Variants in ENPP3 observed in about 807,000 individuals in gnomAD.
The protein encoded by ENPP3 is ectonucleotide pyrophosphatase/phosphodiesterase 3, also known as ectonucleotide pyrophosphatase/phosphodiesterase family member 3.
Under a neutral mutation model 117.8 loss-of-function variants are expected in ENPP3, and 104 were observed. That is an observed-to-expected ratio of 0.88 (90% CI 0.75 to 1.04). ENPP3 has a LOEUF of 1.04. ENPP3 is among the 50% of genes least tolerant of loss of function. ENPP3 has a pLI of 0.00. For synonymous variants in ENPP3, 380 were observed against 349.9 expected (o/e 1.09, Z -0.96); for missense variants, 1,026 against 1,051.9 (o/e 0.98, Z 0.34).
At position 131,666,533 on chromosome 6, in the gene ENPP3, A is replaced by G. The variant is rs11963830; in HGVS notation, c.563-4715A>G. Among the ~76,000 whole-genome samples the G allele has an allele frequency of 2.2e-3, 328 of 152,184 alleles. 1 individual carries two copies. Among genetic ancestry groups the G allele is most frequent in the Non-Finnish European group, 4.0e-3 (270 of 67,994 alleles). ...TGTCCCACAGTTCTCTTAATCTTTC[A>G]TCACTTCTTTCCATTCTTTTTTCTT... On this transcript the variant is annotated intron_variant, in intron 6 of 24. Transcript: ENST00000357639.
In ENPP3 at chr6:131,693,591, A is replaced by T. The variant is rs1359845814; in HGVS notation, c.1379A>T (p.His460Leu). The change falls in exon 15 of 25, where the codon CAT becomes CTT. Residue 460 changes from histidine to leucine, a missense_variant. Physicochemically the swap from His to Leu is moderately conservative, Grantham distance 99 (BLOSUM62 -3). Coordinates refer to ENST00000357639, the MANE Select transcript of ENPP3 (RefSeq NM_005021.5). Reference sequence around the variant, plus strand: ...AAGAACGTCAGAATCGACAAAGTTCATCTCTTTGTGGATCAACAGTGGCTG... The same window carrying T: ...AAGAACGTCAGAATCGACAAAGTTCTTCTCTTTGTGGATCAACAGTGGCTG... ...YAKNVRIDKV[H>L]LFVDQQWLAV... is the part of the protein sequence containing the mutation. 1 of 1,613,786 alleles carries T rather than the reference A, an allele frequency of 6.2e-7. No homozygotes were observed. The highest frequency in any genetic ancestry group is 2.2e-5 in the East Asian group (1 of 44,876).
rs1450214376 is a variant in ENPP3, at chr6:131,693,605, C to T, written c.1393C>T (p.Gln465Ter). 4 of 1,613,386 alleles carry T rather than the reference C, an allele frequency of 2.5e-6. No homozygotes were observed. The highest frequency in any genetic ancestry group is 3.4e-6 in the Non-Finnish European group (4 of 1,179,742). ...RIDKVHLFVD[Q>*]QWLAVRSKSN... ...CGACAAAGTTCATCTCTTTGTGGAT[C>T]AACAGTGGCTGGCTGTTAGGTTCGT... The change falls in exon 15 of 25, where the codon CAA becomes TAA. Residue 465 changes from glutamine to a stop codon, truncating the protein, a stop_gained. Coordinates refer to ENST00000357639, the MANE Select transcript of ENPP3 (RefSeq NM_005021.5). LOFTEE classifies it high-confidence loss of function.
At chr6:131,674,014 T>C (rs1011578347) in intron 7 of ENPP3, 148 bp from the exon 8 acceptor site, 17 of 553,764 alleles carry the variant, frequency 3.1e-5, no homozygotes, top group African/African-American at 2.1e-4. Context: ...CAATATCTCC[T>C]GATATGTAAG....
Position 131,691,631 on chromosome 6 carries a change from A to G in ENPP3, c.1285-1866A>G, listed in dbSNP as rs115085320. ...GAGAAAAAAAAAAGTCAAAAATTGTATCTCAACTCTGTAGACTTCATTCCA... is the reference window on the plus strand; with the variant it reads ...GAGAAAAAAAAAAGTCAAAAATTGTGTCTCAACTCTGTAGACTTCATTCCA... On this transcript the variant is annotated intron_variant, in intron 14 of 24. Transcript: ENST00000357639. Among the ~76,000 whole-genome samples, 526 of 152,018 alleles carry G rather than the reference A, an allele frequency of 3.5e-3. 6 individuals are homozygous for G. The highest frequency in any genetic ancestry group is 0.012 in the African/African-American group (505 of 41,490).
intron 5 of ENPP3, among the ~76,000 whole-genome samples, chr6:131,656,736 C>A (rs1468482066): frequency 6.7e-6 from 1 of 148,904 alleles, no homozygotes; most frequent in Non-Finnish European, 1.5e-5. Context: ...CACTGCACTC[C>A]AGCCTGGGCA....
chr6:131,723,827 T>TCACACA (rs1554268188), intron 18 of ENPP3, among the ~76,000 whole-genome samples: 3,209 of 145,822 alleles, frequency 0.022, 134 homozygotes, highest in African/African-American at 0.078. Flanking sequence ...TCTCTCTCTC[T>TCACACA]CACACACACA....
intron 5 of ENPP3, among the ~76,000 whole-genome samples, chr6:131,657,576 G>A (rs1001356664): frequency 1.9e-4 from 29 of 152,202 alleles, no homozygotes; most frequent in Admixed American, 1.7e-3. Flanking sequence ...CAATATGGAG[G>A]AATCTCAAAC....
chr6:131,692,445 G>A lies in ENPP3; in HGVS notation c.1285-1052G>A, dbSNP rs576746740. ...GGTTTCAAAAGCCATTGACTTGATC[G>A]GAAAACTAAGCAAATGTAGGTTATT... On this transcript the variant is annotated intron_variant, in intron 14 of 24. Transcript: ENST00000357639. Among the ~76,000 whole-genome samples, 208 of 151,876 alleles carry A rather than the reference G, an allele frequency of 1.4e-3. 1 individual carries two copies. The highest frequency in any genetic ancestry group is 6.7e-3 in the Admixed American group (102 of 15,222).
rs574124456 is a variant in ENPP3, at chr6:131,710,081, C to T, written c.1413-8591C>T. Reference sequence around the variant, plus strand: ...GCATGAATCAGTTTCTTCAAAGCTCCTTTCGGAGGATCATCTAAGTTAGCA... The same window carrying T: ...GCATGAATCAGTTTCTTCAAAGCTCTTTTCGGAGGATCATCTAAGTTAGCA... On this transcript the variant is annotated intron_variant, in intron 15 of 24. Coordinates refer to ENST00000357639, the MANE Select transcript of ENPP3 (RefSeq NM_005021.5). 2.0e-5 allele frequency: 32 copies of T among 1,613,742 alleles called. No homozygotes were observed. The East Asian group carries it at 2.5e-4, about 12-fold the overall frequency.
chr6:131,644,905 T>C (rs1470834172), intron 2 of ENPP3, among the ~76,000 whole-genome samples: 1 of 152,212 alleles, frequency 6.6e-6, no homozygotes, highest in Admixed American at 6.5e-5. Context: ...AGAAACCAAG[T>C]GCAGAAAGGT....
In ENPP3 at chr6:131,733,602, T is replaced by C. The variant is rs34857630; in HGVS notation, c.1968T>C (p.Pro656=). The part of the protein sequence containing the change: ...YTVPQLGDTS[P]LPPTVPDCLR... ...TCTTTGAACAGGGAGACACATCGCC[T>C]CTGCCTCCCACTGTCCCAGACTGTC... The change falls in exon 21 of 25, where the codon CCT becomes CCC. Residue 656 remains proline, a synonymous_variant. Coordinates refer to ENST00000357639, the MANE Select transcript of ENPP3 (RefSeq NM_005021.5). 212 of 1,613,166 alleles carry C rather than the reference T, an allele frequency of 1.3e-4. No homozygotes were observed. In the African/African-American group the frequency reaches 2.5e-3, roughly 19 times the overall value.
In ENPP3 at chr6:131,723,990, T is replaced by A. The variant is rs769809498; in HGVS notation, c.1747-50T>A. On this transcript the variant is annotated intron_variant, in intron 18 of 24. Transcript: ENST00000357639. ...CTTGATTACCCCTTAAAACACATAT[T>A]GTTGCTTTGACTTATTTCCTCCCCT... The A allele has an allele frequency of 6.7e-6, 9 of 1,346,514 alleles. No homozygotes were observed. The South Asian group carries it at 8.4e-5, about 12-fold the overall frequency. The allele number at this position is 1,346,514 out of a possible 1,614,324, so 83.4% of individuals were successfully genotyped here.
In ENPP3 at chr6:131,723,508, G is replaced by A. The variant is rs558383844; in HGVS notation, c.1747-532G>A. Reference sequence around the variant, plus strand: ...AAGTTAGATAAATTGTTCGAGGCCAGAGAAGCTTGTTCTATCTGGCTGCAA... The same window carrying A: ...AAGTTAGATAAATTGTTCGAGGCCAAAGAAGCTTGTTCTATCTGGCTGCAA... On this transcript the variant is annotated intron_variant, in intron 18 of 24. Transcript: ENST00000357639. Among the ~76,000 whole-genome samples the A allele has an allele frequency of 3.3e-4, 50 of 152,290 alleles. 1 individual carries two copies. In the South Asian group the frequency reaches 9.5e-3, roughly 29 times the overall value.
chr6:131,676,858 G>T (rs2114393365), intron 10 of ENPP3, 57 bp downstream of exon 10: 5 of 1,143,054 alleles, frequency 4.4e-6, no homozygotes, highest in Non-Finnish European at 6.4e-6. Flanking sequence ...GGTAAAAAAT[G>T]AAGTTTTTTT....
chr6:131,746,812 T>C lies in ENPP3; in HGVS notation c.2484T>C (p.Val828=). 6.2e-7 allele frequency: 1 copy of C among 1,609,538 alleles called. No homozygotes were observed. The change falls in exon 25 of 25, where the codon GTT becomes GTC. Residue 828 remains valine, a synonymous_variant. Coordinates refer to ENST00000357639, the MANE Select transcript of ENPP3 (RefSeq NM_005021.5). The stretch of plus-strand genomic sequence containing the variant: ...AAGGTAAACCAGAAGCTCTTTGGGT[T>C]GAAGAAAGATTTACAGCTCACATTG... The part of the protein sequence containing the change: ...CPEGKPEALW[V]EERFTAHIAR...
intron 21 of ENPP3, among the ~76,000 whole-genome samples, chr6:131,736,596 G>A (rs776314954): frequency 6.6e-6 from 1 of 152,000 alleles, no homozygotes; most frequent in Non-Finnish European, 1.5e-5. Flanking sequence ...GATGAGATTG[G>A]GGGGGACACA....
At chr6:131,726,752 G>A (rs934904904) in intron 20 of ENPP3, among the ~76,000 whole-genome samples, 8 of 152,114 alleles carry the variant, frequency 5.3e-5, no homozygotes, top group African/African-American at 1.9e-4. Context: ...CTGAGGTTGA[G>A]GTCCACTTGT....
intron 11 of ENPP3, among the ~76,000 whole-genome samples, chr6:131,682,114 T>C (rs1779034850): frequency 6.6e-6 from 1 of 152,148 alleles, no homozygotes; most frequent in African/African-American, 2.4e-5. Flanking sequence ...ATTACAGGCA[T>C]GAGCCACCAC....
chr6:131,723,197 G>C (rs945510070), intron 18 of ENPP3, among the ~76,000 whole-genome samples: 1 of 152,140 alleles, frequency 6.6e-6, no homozygotes, highest in East Asian at 1.9e-4. Context: ...GCTGCCTCAG[G>C]TAAGAATTTT....
Sources: allele counts gnomAD v4.1 joint callset (sites outside exome capture counted in the v4.1 genomes callset), GRCh38; gene constraint gnomAD v4.1.1; transcripts MANE v1.5; gene names NCBI Gene and HGNC (gene_info 2026-07-23, HGNC 2026-07-21).